The following PRDM5 variants were observed in gnomAD, a reference collection of about 807,000 sequenced individuals.
PRDM5 encodes the protein PR domain zinc finger protein 5.
In PRDM5, 56 loss-of-function variants were observed where a neutral mutation model predicts 81.2. That is an observed-to-expected ratio of 0.69 (90% confidence interval 0.56 to 0.86). PRDM5 has a LOEUF of 0.86. Among genes scored for constraint, PRDM5 ranks in the 40% least tolerant of loss-of-function variants. PRDM5 has a pLI of 0.00. For missense variants in PRDM5, 697 were observed against 770.1 expected (o/e 0.91, Z 1.12); for synonymous variants, 267 against 256.4 (o/e 1.04, Z -0.39).
At position 120,781,074 on chromosome 4, in the gene PRDM5, T is replaced by C. The variant is rs1489558031; in HGVS notation, c.1443+69A>G. The C allele has an allele frequency of 4.6e-6, 6 of 1,290,452 alleles. No homozygotes were observed. In the South Asian group the frequency reaches 6.3e-5, roughly 13 times the overall value. The allele number at this position is 1,290,452 out of a possible 1,614,324, so 79.9% of individuals were successfully genotyped here. A position where few individuals can be genotyped will look rare whatever the true frequency, so the allele number is the denominator to read the frequency against. On this transcript the variant is annotated intron_variant, in intron 12 of 15. Transcript: ENST00000264808. ...AGATTAATATATAATTATCACATGT[T>C]AGTTAACATATATACCCATACTGCT...
chr4:120,873,746 T>A (rs1322686918), intron 2 of PRDM5, among the ~76,000 whole-genome samples: 4 of 152,250 alleles, frequency 2.6e-5, no homozygotes, highest in Non-Finnish European at 2.9e-5. Flanking sequence ...TTCCAAAATC[T>A]ACTTTTTCCC....
At chr4:120,761,639 C>A (rs1034494673) in intron 13 of PRDM5, among the ~76,000 whole-genome samples, 4 of 152,138 alleles carry the variant, frequency 2.6e-5, no homozygotes, top group African/African-American at 9.7e-5. Flanking sequence ...CACTGAATAT[C>A]CATCTACTAC....
intron 2 of PRDM5, among the ~76,000 whole-genome samples, chr4:120,884,420 TAAAAG>T (rs1228437287): frequency 2.3e-5 from 3 of 129,696 alleles, no homozygotes; most frequent in South Asian, 2.4e-4. Flanking sequence ...TAAAAATGCA[TAAAAG>T]AAATGTTCTT....
chr4:120,816,815 T>C lies in PRDM5; in HGVS notation c.743+17A>G, dbSNP rs1754580148. On this transcript the variant is annotated intron_variant, in intron 6 of 15. Coordinates refer to ENST00000264808, the MANE Select transcript of PRDM5 (RefSeq NM_018699.4). Reference sequence around the variant, plus strand: ...CCACAATTATATAACAGCCATTTCATAACTCAGACACAAAACCTCGATGCT... The same window carrying C: ...CCACAATTATATAACAGCCATTTCACAACTCAGACACAAAACCTCGATGCT... 2 of 1,605,614 alleles carry C rather than the reference T, an allele frequency of 1.2e-6. No homozygotes were observed. Among genetic ancestry groups the C allele is most frequent in the African/African-American group, 2.7e-5 (2 of 74,820 alleles).
At chr4:120,784,915 TG>T in intron 11 of PRDM5, 82 bp downstream of exon 11, 1 of 1,095,394 alleles carries the variant, frequency 9.1e-7, no homozygotes, top group Non-Finnish European at 1.4e-6. Flanking sequence ...GGCACACCTC[TG>T]GGATGTCTAC....
intron 10 of PRDM5, among the ~76,000 whole-genome samples, 159 bp from the exon 11 acceptor site, chr4:120,785,250 A>T (rs1749616270): frequency 1.3e-5 from 2 of 152,310 alleles, no homozygotes; most frequent in African/African-American, 4.8e-5. Flanking sequence ...TTGTAAAGAC[A>T]AATGTGCTGT....
At chr4:120,840,469 G>T (rs1757896881) in intron 3 of PRDM5, among the ~76,000 whole-genome samples, 1 of 152,072 alleles carries the variant, frequency 6.6e-6, no homozygotes, top group South Asian at 2.1e-4. Flanking sequence ...CAAGGCATAG[G>T]AACCCAGCAC....
At chr4:120,907,827 T>C (rs1344230449) in intron 1 of PRDM5, among the ~76,000 whole-genome samples, 1 of 152,214 alleles carries the variant, frequency 6.6e-6, no homozygotes, top group Non-Finnish European at 1.5e-5. Flanking sequence ...CACTGGACAT[T>C]GTATTTCATA....
At chr4:120,807,045 T>A (rs1034754937) in intron 8 of PRDM5, among the ~76,000 whole-genome samples, 1 of 152,042 alleles carries the variant, frequency 6.6e-6, no homozygotes, top group Non-Finnish European at 1.5e-5. Flanking sequence ...GTGAAGGACA[T>A]AACAGACACT....
chr4:120,791,394 T>C (rs1159714961), intron 10 of PRDM5, among the ~76,000 whole-genome samples: 3 of 152,188 alleles, frequency 2.0e-5, no homozygotes, highest in African/African-American at 7.2e-5. Context: ...TACTTTTAAA[T>C]ATACTTATCT....
chr4:120,817,070 C>G, intron 5 of PRDM5, 146 bp from the exon 6 acceptor site: 2 of 698,462 alleles, frequency 2.9e-6, no homozygotes, highest in Non-Finnish European at 5.0e-6. Context: ...TTAGCAGTAC[C>G]TTAACTATAA....
chr4:120,788,651 C>T (rs1157697441), intron 10 of PRDM5, among the ~76,000 whole-genome samples: 1 of 152,184 alleles, frequency 6.6e-6, no homozygotes, highest in African/African-American at 2.4e-5. Context: ...ACTTAAGGAA[C>T]ATGACTTAAG....
chr4:120,704,058 G>GA (rs1440676602), intron 15 of PRDM5, among the ~76,000 whole-genome samples: 8 of 152,078 alleles, frequency 5.3e-5, no homozygotes, highest in African/African-American at 1.7e-4. Flanking sequence ...TGGCAAGCTG[G>GA]AAAAAACGGA....
chr4:120,777,781 C>G (rs1228115722), intron 12 of PRDM5, among the ~76,000 whole-genome samples: 1 of 152,076 alleles, frequency 6.6e-6, no homozygotes, highest in South Asian at 2.1e-4. Flanking sequence ...CTGATTTGAC[C>G]TTTAAAATCA....
intron 2 of PRDM5, among the ~76,000 whole-genome samples, chr4:120,858,589 A>ACG (rs1553995653): frequency 2.1e-5 from 3 of 146,018 alleles, no homozygotes; most frequent in Non-Finnish European, 4.6e-5. Flanking sequence ...GCGCGCACGC[A>ACG]CGCACACACA....
Position 120,787,588 on chromosome 4 carries a change from T to C in PRDM5, c.1189-2497A>G, listed in dbSNP as rs1396954162. Among the ~76,000 whole-genome samples the C allele has an allele frequency of 2.0e-5, 3 of 152,140 alleles. No homozygotes were observed. In the East Asian group the frequency reaches 5.8e-4, roughly 29 times the overall value. On this transcript the variant is annotated intron_variant, in intron 10 of 15. Transcript: ENST00000264808. ...TGGTAGCCACAGATGTGAAGAGAAG[T>C]AGTAGAGTTCTAAATATCTTCTGAA...
rs1165024948 is a variant in PRDM5, at chr4:120,771,055, C to T, written c.1537+6133G>A. Among the ~76,000 whole-genome samples, 3 of 152,016 alleles carry T rather than the reference C, an allele frequency of 2.0e-5. No homozygotes were observed. The East Asian group carries it at 5.8e-4, about 29-fold the overall frequency. On this transcript the variant is annotated intron_variant, in intron 13 of 15. Transcript: ENST00000264808. ...TCTTTTCATGTTATTTAGTATATAT[C>T]CATATCACTTTTGTTACCTATATAA...
rs191415091 is a variant in PRDM5 at position 120,760,776 on chromosome 4, C to T, written c.1538-6138G>A. 5.9e-5 allele frequency among the ~76,000 whole-genome samples: 9 copies of T among 151,702 alleles called. No individual in the cohort carries two copies. In the East Asian group the frequency reaches 1.6e-3, roughly 26 times the overall value. Reference sequence around the variant, plus strand: ...TTTTTTTTTTAGCACATACCATCTTCTAGTTACTGTCCTGGGCTTTGAGAA... The same window carrying T: ...TTTTTTTTTTAGCACATACCATCTTTTAGTTACTGTCCTGGGCTTTGAGAA... On this transcript the variant is annotated intron_variant, in intron 13 of 15. Transcript: ENST00000264808.
intron 3 of PRDM5, among the ~76,000 whole-genome samples, chr4:120,839,480 G>T (rs776849520): frequency 2.0e-5 from 3 of 152,180 alleles, no homozygotes; most frequent in Non-Finnish European, 4.4e-5. Context: ...GTTCTCAGCA[G>T]AGAGGGTAGC....
Sources: gnomAD v4.1 joint callset for allele counts (sites outside exome capture counted in the v4.1 genomes callset) on GRCh38, gnomAD v4.1.1 for gene constraint, MANE v1.5 for transcripts, NCBI Gene and HGNC (gene_info 2026-07-23, HGNC 2026-07-21) for gene names.